Variants in ATP9B observed in about 807,000 individuals in gnomAD.
The protein encoded by ATP9B is ATPase phospholipid transporting 9B, also known as probable phospholipid-transporting ATPase IIB.
A neutral mutation model predicts 146.1 loss-of-function variants in ATP9B; 110 were observed. The observed-to-expected ratio is 0.75, with a 90% CI of 0.65 to 0.88. ATP9B has a LOEUF of 0.88. Ranked by LOEUF, ATP9B falls within the 40% of genes least tolerant of loss-of-function variation. The pLI is 0.00. For synonymous variants in ATP9B, 604 were observed against 569.7 expected (o/e 1.06, Z -0.86); for missense variants, 1,499 against 1,496.4 (o/e 1.00, Z -0.03).
chr18:79,123,350 A>T (rs2094222369), intron 4 of ATP9B, among the ~76,000 whole-genome samples: 1 of 152,204 alleles, frequency 6.6e-6, no homozygotes, highest in Admixed American at 6.5e-5. Context: ...AATAAGCTTA[A>T]AGCATGAAAT....
chr18:79,185,247 G>A (rs528912970), intron 8 of ATP9B, among the ~76,000 whole-genome samples: 1 of 152,230 alleles, frequency 6.6e-6, no homozygotes, highest in South Asian at 2.1e-4. Flanking sequence ...ACCTTATGAA[G>A]TAGTTACAGA....
At chr18:79,160,013 A>G (rs2094853579) in intron 7 of ATP9B, among the ~76,000 whole-genome samples, 1 of 152,134 alleles carries the variant, frequency 6.6e-6, no homozygotes, top group Non-Finnish European at 1.5e-5. Flanking sequence ...TTTCTATTTA[A>G]TGTAATTACT....
At position 79,173,342 on chromosome 18, in the gene ATP9B, A is replaced by G. The variant is rs191024109; in HGVS notation, c.779-3471A>G. Among the ~76,000 whole-genome samples the G allele has an allele frequency of 4.4e-3, 667 of 150,594 alleles. 22 individuals are homozygous for G. Among genetic ancestry groups the G allele is most frequent in the Admixed American group, 0.029 (442 of 15,190 alleles). ...AAGTATTTAATTTTATCAAAGTCCA[A>G]TTGATTTTTTTTTAATGGGTTGTTC... On this transcript the variant is annotated intron_variant, in intron 7 of 29. Coordinates refer to ENST00000426216, the MANE Select transcript of ATP9B (RefSeq NM_198531.5).
chr18:79,231,492 T>C (rs2095790730), intron 11 of ATP9B, among the ~76,000 whole-genome samples: 1 of 152,096 alleles, frequency 6.6e-6, no homozygotes, highest in Non-Finnish European at 1.5e-5. Flanking sequence ...AAATAGTAGA[T>C]GCTGGTGTGG....
intron 13 of ATP9B, among the ~76,000 whole-genome samples, chr18:79,295,111 G>GAC (rs10537302): frequency 6.6e-6 from 1 of 151,496 alleles, no homozygotes; most frequent in Non-Finnish European, 1.5e-5. Context: ...CACAGACACA[G>GAC]ACACACACAC....
At chr18:79,307,492 G>A (rs2096626307) in intron 15 of ATP9B, 2 of 476,656 alleles carry the variant, frequency 4.2e-6, no homozygotes. Flanking sequence ...ACAGGGAACA[G>A]CATGAGAAAT....
intron 4 of ATP9B, among the ~76,000 whole-genome samples, chr18:79,120,094 C>T (rs1376639921): frequency 6.6e-6 from 1 of 152,084 alleles, no homozygotes; most frequent in Non-Finnish European, 1.5e-5. Context: ...AACAAGAATT[C>T]CTCATAAGCC....
chr18:79,212,153 C>T (rs1368892569), intron 10 of ATP9B, among the ~76,000 whole-genome samples: 1 of 152,084 alleles, frequency 6.6e-6, no homozygotes, highest in Non-Finnish European at 1.5e-5. Flanking sequence ...TGGAAAATGT[C>T]CCAAATATTT....
intron 2 of ATP9B, among the ~76,000 whole-genome samples, 185 bp downstream of exon 2, chr18:79,096,834 A>G (rs1214344513): frequency 6.6e-6 from 1 of 152,194 alleles, no homozygotes; most frequent in Non-Finnish European, 1.5e-5. Context: ...AGGAAAGCCA[A>G]ATTATTATCT....
At chr18:79,225,513 G>C (rs540007025) in intron 11 of ATP9B, among the ~76,000 whole-genome samples, 32 of 152,342 alleles carry the variant, frequency 2.1e-4, no homozygotes, top group Admixed American at 1.7e-3. Context: ...TCATCATGGG[G>C]ACGTCCTTTC....
chr18:79,166,269 A>G (rs946739501), intron 7 of ATP9B, among the ~76,000 whole-genome samples: 1 of 152,196 alleles, frequency 6.6e-6, no homozygotes, highest in African/African-American at 2.4e-5. Flanking sequence ...GGAGAGTCCT[A>G]GATCCAGCCT....
intron 6 of ATP9B, among the ~76,000 whole-genome samples, chr18:79,151,181 C>G (rs955531135): frequency 6.6e-5 from 10 of 152,162 alleles, no homozygotes; most frequent in African/African-American, 2.4e-4. Flanking sequence ...TCGCATTTCA[C>G]TATTTCAAAA....
At chr18:79,153,957 C>CTT (rs11285884) in intron 6 of ATP9B, among the ~76,000 whole-genome samples, 17 of 103,190 alleles carry the variant, frequency 1.6e-4, no homozygotes, top group Admixed American at 3.8e-4. Context: ...TGACATGCAG[C>CTT]TTTTTTTTTT....
At chr18:79,090,330 GT>G (rs2146660728) in intron 1 of ATP9B, among the ~76,000 whole-genome samples, 1 of 152,266 alleles carries the variant, frequency 6.6e-6, no homozygotes, top group Admixed American at 6.5e-5. Flanking sequence ...TCAATTTTTA[GT>G]TTTTTAGGAA....
chr18:79,151,944 A>G (rs917485214), intron 6 of ATP9B, among the ~76,000 whole-genome samples: 13 of 152,244 alleles, frequency 8.5e-5, no homozygotes, highest in Non-Finnish European at 1.3e-4. Flanking sequence ...CAGAGGGCCA[A>G]TATCCAGAAT....
At chr18:79,114,657 C>G (rs533533976) in intron 4 of ATP9B, among the ~76,000 whole-genome samples, 2 of 152,024 alleles carry the variant, frequency 1.3e-5, no homozygotes, top group African/African-American at 2.4e-5. Context: ...AATATAAACA[C>G]GAAATTACTA....
chr18:79,256,576 C>A (rs1483657777), intron 12 of ATP9B, among the ~76,000 whole-genome samples: 1 of 151,114 alleles, frequency 6.6e-6, no homozygotes, highest in Non-Finnish European at 1.5e-5. Flanking sequence ...CCCTATATTT[C>A]TATTATTGTG....
At chr18:79,281,993 T>G (rs183495957) in intron 13 of ATP9B, among the ~76,000 whole-genome samples, 29 of 152,316 alleles carry the variant, frequency 1.9e-4, no homozygotes, top group African/African-American at 6.5e-4. Flanking sequence ...TGGAAGAAGT[T>G]GATTCCGACC....
intron 12 of ATP9B, among the ~76,000 whole-genome samples, chr18:79,258,141 T>A (rs898584621): frequency 3.3e-5 from 5 of 152,206 alleles, no homozygotes; most frequent in African/African-American, 1.2e-4. Context: ...CTAATTTTTG[T>A]TTTCATACCT....
Sources: allele counts gnomAD v4.1 joint callset (sites outside exome capture counted in the v4.1 genomes callset), GRCh38; gene constraint gnomAD v4.1.1; transcripts MANE v1.5; gene names NCBI Gene and HGNC (gene_info 2026-07-23, HGNC 2026-07-21).